Variants in DOLPP1 observed in about 807,000 individuals in gnomAD.
The protein encoded by DOLPP1 is dolichyl pyrophosphate phosphatase 1.
Under a neutral mutation model 34.1 loss-of-function variants are expected in DOLPP1, and 15 were observed. That is an observed-to-expected ratio of 0.44 (90% CI 0.29 to 0.68). The LOEUF (loss-of-function observed/expected upper bound fraction) is 0.68, where lower values mean the gene tolerates loss of function less well. Among genes scored for constraint, DOLPP1 ranks in the 30% least tolerant of loss-of-function variants. The pLI, the probability that DOLPP1 is intolerant of heterozygous loss-of-function variation, is 0.12. For synonymous variants in DOLPP1, 130 were observed against 128.2 expected, an observed-to-expected ratio of 1.01 and a Z score of -0.10; for missense variants, 249 against 307.1, an observed-to-expected ratio of 0.81 and a Z score of 1.41.
chr9:129,085,423 A>T lies in DOLPP1; in HGVS notation c.363-95A>T. ...TGGGAGGGGCTGCAGCGGAGGCAGA[A>T]GGTACCCAGGGAGCATTTGGATGGG... On this transcript the variant is annotated intron_variant, in intron 4 of 7. Coordinates refer to ENST00000372546, the MANE Select transcript of DOLPP1 (RefSeq NM_020438.5). The surrounding 1 kb of genome is among the most constrained non-coding windows in gnomAD (Gnocchi z 7.0). 1 of 1,516,554 alleles carries T rather than the reference A, an allele frequency of 6.6e-7. No individual in the cohort carries two copies. Among genetic ancestry groups the T allele is most frequent in the Non-Finnish European group, 9.1e-7 (1 of 1,096,398 alleles). The allele number at this position is 1,516,554 out of a possible 1,614,324, so 93.9% of individuals were successfully genotyped here.
intron 7 of DOLPP1, among the ~76,000 whole-genome samples, chr9:129,087,460 C>T (rs1021126433): frequency 3.9e-5 from 6 of 152,072 alleles, no homozygotes; most frequent in African/African-American, 9.7e-5. Context: ...GGACTACAGG[C>T]GCCCGCCACC....
intron 6 of DOLPP1, 67 bp downstream of exon 6, chr9:129,086,334 G>A: frequency 6.3e-7 from 1 of 1,579,882 alleles, no homozygotes; most frequent in Non-Finnish European, 8.6e-7. Context: ...GCCATCAGTG[G>A]GCGGACCTAG....
At position 129,085,402 on chromosome 9, in the gene DOLPP1, A is replaced by G. The variant is rs534146722; in HGVS notation, c.362+96A>G. On this transcript the variant is annotated intron_variant, in intron 4 of 7. Transcript: ENST00000372546. The surrounding 1 kb of genome is among the most constrained non-coding windows in gnomAD (Gnocchi z 7.0). ...GCCCTTTGGATGCCCCTGGGGTGGG[A>G]GGGGCTGCAGCGGAGGCAGAAGGTA... The G allele has an allele frequency of 2.6e-6, 4 of 1,511,448 alleles. No individual in the cohort carries two copies. Among genetic ancestry groups the G allele is most frequent in the Admixed American group, 3.4e-5 (2 of 59,418 alleles). The allele number at this position is 1,511,448 out of a possible 1,614,324, so 93.6% of individuals were successfully genotyped here.
chr9:129,081,168 T>C lies in DOLPP1; in HGVS notation c.37T>C (p.Trp13Arg). The part of the protein sequence containing the change: ...ADGQCSLPAS[W>R]RPVTLTHVEY... ...CGGACAGTGCTCGCTCCCCGCTTCA[T>C]GGCGGCCGGTGACCCTCACCCACGT... is the stretch of plus-strand genomic sequence containing the variant. The change falls in exon 1 of 8, where the codon TGG becomes CGG. Residue 13 changes from tryptophan (W) to arginine (R), a missense_variant. Trp to Arg is a moderately radical substitution (Grantham distance 101). Coordinates refer to ENST00000372546, the MANE Select transcript of DOLPP1 (RefSeq NM_020438.5). The C allele has an allele frequency of 6.2e-7, 1 of 1,610,018 alleles. No homozygotes were observed.
At chr9:129,087,793 G>C (rs77621105) in intron 7 of DOLPP1, among the ~76,000 whole-genome samples, 7 of 152,000 alleles carry the variant, frequency 4.6e-5, no homozygotes, top group Admixed American at 4.6e-4. Context: ...GGGCAAAGCC[G>C]GGGATCCATG....
intron 7 of DOLPP1, 109 bp downstream of exon 7, chr9:129,086,907 A>T (rs1266986489): frequency 1.1e-6 from 1 of 873,454 alleles, no homozygotes; most frequent in African/African-American, 1.7e-5. Flanking sequence ...CTTCTCTTGC[A>T]TTAACTCATT....
At chr9:129,081,869 C>T (rs1257262126) in intron 1 of DOLPP1, among the ~76,000 whole-genome samples, 3 of 152,160 alleles carry the variant, frequency 2.0e-5, no homozygotes, top group Non-Finnish European at 4.4e-5. Context: ...GTAAGAGTGG[C>T]GCAGAGCCTG....
chr9:129,086,774 A>G lies in DOLPP1; in HGVS notation c.656A>G (p.Tyr219Cys), dbSNP rs1261406698. 6.2e-7 allele frequency: 1 copy of G among 1,613,808 alleles called. No homozygotes were observed. Among genetic ancestry groups the G allele is most frequent in the Non-Finnish European group, 8.5e-7 (1 of 1,180,008 alleles). ...ATTCCCAACGTACTCTGGTTTGAGT[A>G]CACGGTAACCCGGGCAGAAGCCAGG... ...SLIPNVLWFEYTVTRAEARNR... is the reference protein window; with the variant it reads ...SLIPNVLWFECTVTRAEARNR... The change falls in exon 7 of 8, where the codon TAC (tyrosine) becomes TGC (cysteine). Residue 219 changes from tyrosine (Y) to cysteine (C), a missense_variant. By Grantham distance (194) the Tyr-to-Cys change is radical. Coordinates refer to ENST00000372546, the MANE Select transcript of DOLPP1 (RefSeq NM_020438.5).
Position 129,087,612 on chromosome 9 carries a change from G to A in DOLPP1, c.680+814G>A, listed in dbSNP as rs563584846. On this transcript the variant is annotated intron_variant, in intron 7 of 7. Transcript: ENST00000372546. ...ATTACAGGTGTGAGCCACCTCGCCC[G>A]GCCGAAGGCCGGCCCTTCTCTGGGT... Among the ~76,000 whole-genome samples, 196 of 152,166 alleles carry A rather than the reference G, an allele frequency of 1.3e-3. 1 individual carries two copies. The highest frequency in any genetic ancestry group is 4.4e-3 in the African/African-American group (183 of 41,540).
At position 129,088,209 on chromosome 9, in the gene DOLPP1, C is replaced by T. The variant is rs374708985; in HGVS notation, c.681-762C>T. 4.8e-3 allele frequency among the ~76,000 whole-genome samples: 712 copies of T among 149,492 alleles called. 13 individuals are homozygous for T. Among genetic ancestry groups the T allele is most frequent in the African/African-American group, 0.016 (658 of 40,124 alleles). ...AGGGTGTTGTGGGGGTTGGGGGAAA[C>T]GTTCTCAGCAGAGGGAAGGGCATGC... On this transcript the variant is annotated intron_variant, in intron 7 of 7. Coordinates refer to ENST00000372546, the MANE Select transcript of DOLPP1 (RefSeq NM_020438.5).
At chr9:129,084,446 C>A (rs143974394) in intron 1 of DOLPP1, among the ~76,000 whole-genome samples, 26 of 152,254 alleles carry the variant, frequency 1.7e-4, no homozygotes, top group African/African-American at 6.3e-4. Flanking sequence ...CTGCTTTAAA[C>A]GCATGCTGTG....
intron 5 of DOLPP1, 84 bp from the exon 6 acceptor site, chr9:129,086,055 G>A (rs1022385127): frequency 2.2e-6 from 3 of 1,379,406 alleles, no homozygotes; most frequent in Non-Finnish European, 3.0e-6. Context: ...ACAGGTCCCT[G>A]GGAAGCTGGC....
At chr9:129,086,004 C>G in intron 5 of DOLPP1, 135 bp from the exon 6 acceptor site, 5 of 829,982 alleles carry the variant, frequency 6.0e-6, no homozygotes, top group South Asian at 3.3e-5. Flanking sequence ...GGCTGTGCCC[C>G]GTGGAGTCAG....
intron 7 of DOLPP1, among the ~76,000 whole-genome samples, chr9:129,087,821 G>C (rs190601426): frequency 6.6e-6 from 1 of 151,984 alleles, no homozygotes; most frequent in Admixed American, 6.5e-5. Context: ...GGGATTGGAG[G>C]GGGTTAGGGC....
chr9:129,086,382 C>G, intron 6 of DOLPP1, 115 bp downstream of exon 6: 1 of 1,325,844 alleles, frequency 7.5e-7, no homozygotes, highest in East Asian at 2.5e-5. Flanking sequence ...TGGGAAGGCC[C>G]CAGTGCCCCA....
intron 1 of DOLPP1, among the ~76,000 whole-genome samples, chr9:129,084,248 T>A (rs569504642): frequency 6.6e-6 from 1 of 152,322 alleles, no homozygotes; most frequent in South Asian, 2.1e-4. Flanking sequence ...AGGCTCCACC[T>A]CTGGAGTCAC....
At chr9:129,087,824 G>A (rs1442131880) in intron 7 of DOLPP1, among the ~76,000 whole-genome samples, 2 of 151,956 alleles carry the variant, frequency 1.3e-5, no homozygotes, top group Non-Finnish European at 2.9e-5. Flanking sequence ...ATTGGAGGGG[G>A]TTAGGGCAGG....
At chr9:129,082,345 T>C (rs559604909) in intron 1 of DOLPP1, among the ~76,000 whole-genome samples, 71 of 152,354 alleles carry the variant, frequency 4.7e-4, no homozygotes, top group African/African-American at 1.5e-3. Flanking sequence ...TACCATTCAT[T>C]CATCCATTCA....
Position 129,086,300 on chromosome 9 carries a change from G to T in DOLPP1, c.590+33G>T, listed in dbSNP as rs1400764245. On this transcript the variant is annotated intron_variant, in intron 6 of 7. Transcript: ENST00000372546. ...CCTCCTGCCTTCCTGGGCACTGTGGGCCCTGTCCCCTCCTGTGGGTGGGGC... is the reference window on the plus strand; with the variant it reads ...CCTCCTGCCTTCCTGGGCACTGTGGTCCCTGTCCCCTCCTGTGGGTGGGGC... 5 of 1,610,642 alleles carry T rather than the reference G, an allele frequency of 3.1e-6. No homozygotes were observed. The African/African-American group carries it at 4.0e-5, about 13-fold the overall frequency.
Sources: allele counts gnomAD v4.1 joint callset (sites outside exome capture counted in the v4.1 genomes callset), GRCh38; gene constraint gnomAD v4.1.1; non-coding constraint Gnocchi (gnomAD v3.1); transcripts MANE v1.5; gene names NCBI Gene and HGNC (gene_info 2026-07-23, HGNC 2026-07-21).